CAGE1: variants seen among roughly 807,000 people sequenced by gnomAD.
The protein encoded by CAGE1 is cancer-associated gene 1 protein.
CAGE1 carries 66 observed loss-of-function variants against 94.9 expected under a neutral mutation model. The observed-to-expected ratio is 0.70, with a 90% CI of 0.57 to 0.85. The LOEUF (loss-of-function observed/expected upper bound fraction) is 0.85. CAGE1 is among the 40% of genes least tolerant of loss of function. The pLI, the probability that CAGE1 is intolerant of heterozygous loss-of-function variation, is 0.00. For missense variants in CAGE1, 865 were observed against 950.4 expected (o/e 0.91, Z 1.18); for synonymous variants, 319 against 321.0 (o/e 0.99, Z 0.07).
intron 1 of CAGE1, among the ~76,000 whole-genome samples, chr6:7,387,663 C>T (rs879526530): frequency 6.6e-6 from 1 of 152,026 alleles, no homozygotes; most frequent in Non-Finnish European, 1.5e-5. Flanking sequence ...CTTGTCTTGG[C>T]ATCCCTCTAC....
intron 11 of CAGE1, among the ~76,000 whole-genome samples, chr6:7,342,809 G>C (rs1292691977): frequency 6.6e-6 from 1 of 152,130 alleles, no homozygotes; most frequent in African/African-American, 2.4e-5. Context: ...GATCCATCTT[G>C]AGTTGATTTT....
rs200558049 is a variant in CAGE1 at position 7,378,694 on chromosome 6, T to A, written c.610A>T (p.Thr204Ser). The A allele has an allele frequency of 5.0e-6, 8 of 1,613,250 alleles. No individual in the cohort carries two copies. The highest frequency in any genetic ancestry group is 1.1e-5 in the South Asian group (1 of 90,776). The stretch of plus-strand genomic sequence containing the variant: ...ATACTTTTAGCCAGTGACTTTTCTG[T>A]AAATTTCAGCATCTCTCCACTGCAG... ...IHCSGEMLKFTEKSLAKSIAK... is the reference protein window; with the variant it reads ...IHCSGEMLKFSEKSLAKSIAK... The change falls in exon 4 of 14, where the codon ACA becomes TCA. Residue 204 changes from threonine to serine, a missense_variant. Coordinates refer to ENST00000502583, the MANE Select transcript of CAGE1 (RefSeq NM_001170692.2).
At position 7,339,396 on chromosome 6, in the gene CAGE1, A is replaced by G. The variant is rs1306550138; in HGVS notation, c.2370-5306T>C. 9 of 1,598,390 alleles carry G rather than the reference A, an allele frequency of 5.6e-6. No homozygotes were observed. The highest frequency in any genetic ancestry group is 3.3e-5 in the Admixed American group (2 of 59,998). On this transcript the variant is annotated intron_variant, in intron 11 of 13. Coordinates refer to ENST00000502583, the MANE Select transcript of CAGE1 (RefSeq NM_001170692.2). The surrounding 1 kb of genome is among the most constrained non-coding windows in gnomAD (Gnocchi z 4.7). Reference sequence around the variant, plus strand: ...AATCCGCCGGCCCTTCTCACCAAGAACATTCTGTGTTCTGGTGGCTAAGAC... The same window carrying G: ...AATCCGCCGGCCCTTCTCACCAAGAGCATTCTGTGTTCTGGTGGCTAAGAC...
intron 4 of CAGE1, among the ~76,000 whole-genome samples, chr6:7,374,538 C>CTT (rs780485437): frequency 1.3e-5 from 2 of 149,466 alleles, no homozygotes; most frequent in Non-Finnish European, 3.0e-5. Context: ...AGTTCTCTCT[C>CTT]TTTTTTTTTT....
chr6:7,368,334 T>C (rs1180065415), intron 7 of CAGE1, among the ~76,000 whole-genome samples: 1 of 151,764 alleles, frequency 6.6e-6, no homozygotes, highest in African/African-American at 2.4e-5. Flanking sequence ...TTCAGCCACC[T>C]GAGAAATAAA....
chr6:7,385,935 T>C (rs948377403), intron 2 of CAGE1, 63 bp from the exon 3 acceptor site: 22 of 839,652 alleles, frequency 2.6e-5, no homozygotes, highest in Non-Finnish European at 4.0e-5. Context: ...CTAAAGGTAT[T>C]TGCACATTGT....
At position 7,378,963 on chromosome 6, in the gene CAGE1, C is replaced by CTGATGGTGTCAACTGGCTGAATTAGTGA; in HGVS notation, c.340_341insTCACTAATTCAGCCAGTTGACACCATCA (p.Ser114IlefsTer7). 6.4e-7 allele frequency: 1 copy of CTGATGGTGTCAACTGGCTGAATTAGTGA among 1,572,614 alleles called. No homozygotes were observed. The highest frequency in any genetic ancestry group is 8.6e-7 in the Non-Finnish European group (1 of 1,157,434). ...TTCAAATTGTCTCAAGGAAGATATG[C>CTGATGGTGTCAACTGGCTGAATTAGTGA]TGATGGTGTCAACTGGCTGAATTAG... On this transcript the variant is annotated stop_gained and frameshift_variant, in exon 4 of 14. Transcript: ENST00000502583. LOFTEE classifies it high-confidence loss of function.
intron 11 of CAGE1, among the ~76,000 whole-genome samples, chr6:7,346,139 C>T (rs1055951550): frequency 3.9e-5 from 6 of 152,098 alleles, no homozygotes; most frequent in Admixed American, 6.6e-5. Flanking sequence ...ATGGCTACTC[C>T]GTAGGCAAAA....
intron 9 of CAGE1, among the ~76,000 whole-genome samples, chr6:7,357,885 C>T (rs990487631): frequency 6.6e-6 from 1 of 151,296 alleles, no homozygotes; most frequent in African/African-American, 2.4e-5. Flanking sequence ...CCTCTGCCTC[C>T]AGGGTTCAAG....
At chr6:7,338,363 T>C (rs1462543385) in intron 11 of CAGE1, among the ~76,000 whole-genome samples, 4 of 152,228 alleles carry the variant, frequency 2.6e-5, no homozygotes, top group East Asian at 1.9e-4. Context: ...TCATTAAGTA[T>C]AATGTTAGTA....
chr6:7,378,970 T>C lies in CAGE1; in HGVS notation c.334A>G (p.Thr112Ala). The change falls in exon 4 of 14, where the codon ACC (threonine) becomes GCC (alanine). Residue 112 changes from threonine (T) to alanine (A), a missense_variant. By Grantham distance (58) the Thr-to-Ala change is moderately conservative. Transcript: ENST00000502583. ...TGTCTCAAGGAAGATATGCTGATGG[T>C]GTCAACTGGCTGAATTAGTGCATTC... Reference protein sequence around the residue: ...STNALIQPVDTISISSLRQFE... With the variant: ...STNALIQPVDAISISSLRQFE... The C allele has an allele frequency of 1.3e-6, 2 of 1,567,302 alleles. No homozygotes were observed.
intron 13 of CAGE1, among the ~76,000 whole-genome samples, chr6:7,329,443 T>A (rs1758665980): frequency 6.6e-6 from 1 of 152,132 alleles, no homozygotes; most frequent in Admixed American, 6.5e-5. Flanking sequence ...ATCCAGAATG[T>A]GATTGGGAAC....
rs140239161 is a variant in CAGE1 at position 7,378,523 on chromosome 6, G to C, written c.687+94C>G. On this transcript the variant is annotated intron_variant, in intron 4 of 13. Transcript: ENST00000502583. ...ACAGGCTTTACTGACCATCACAATCGTACCTCCTCTGCTTTATAATTAACT... is the reference window on the plus strand; with the variant it reads ...ACAGGCTTTACTGACCATCACAATCCTACCTCCTCTGCTTTATAATTAACT... 5.5e-6 allele frequency: 6 copies of C among 1,095,762 alleles called. No homozygotes were observed. In the African/African-American group the frequency reaches 7.9e-5, roughly 14 times the overall value. The allele number at this position is 1,095,762 out of a possible 1,614,324, so 67.9% of individuals were successfully genotyped here.
chr6:7,358,480 A>G lies in CAGE1; in HGVS notation c.2194-2351T>C, dbSNP rs576454677. Among the ~76,000 whole-genome samples, 4 of 152,256 alleles carry G rather than the reference A, an allele frequency of 2.6e-5. No individual in the cohort carries two copies. In the South Asian group the frequency reaches 8.3e-4, roughly 32 times the overall value. On this transcript the variant is annotated intron_variant, in intron 9 of 13. Coordinates refer to ENST00000502583, the MANE Select transcript of CAGE1 (RefSeq NM_001170692.2). ...TGCTTTCTGATTTGGGCTATTTATT[A>G]TAAATAAAGCTACAAAGACCTCATA... is the stretch of plus-strand genomic sequence containing the variant.
chr6:7,388,569 A>G (rs749087438), intron 1 of CAGE1, among the ~76,000 whole-genome samples: 2 of 152,232 alleles, frequency 1.3e-5, no homozygotes, highest in Non-Finnish European at 1.5e-5. Context: ...TGCTGTCTAC[A>G]CAGCAAATAT....
chr6:7,388,059 T>G (rs1048553648), intron 1 of CAGE1, among the ~76,000 whole-genome samples: 1 of 150,710 alleles, frequency 6.6e-6, no homozygotes, highest in African/African-American at 2.4e-5. Flanking sequence ...AAAAAAAGTC[T>G]TTCAGTAACC....
At chr6:7,348,860 C>T (rs1759661783) in intron 11 of CAGE1, among the ~76,000 whole-genome samples, 2 of 151,714 alleles carry the variant, frequency 1.3e-5, no homozygotes, top group South Asian at 4.2e-4. Context: ...CCAACAAAGA[C>T]AAAGAAAAAA....
intron 5 of CAGE1, among the ~76,000 whole-genome samples, chr6:7,370,502 G>A (rs767436057): frequency 1.6e-4 from 24 of 152,090 alleles, no homozygotes; most frequent in Non-Finnish European, 3.2e-4. Context: ...TCACCATGTT[G>A]CCCAGGCTGG....
At chr6:7,330,815 G>A (rs1276765906) in intron 12 of CAGE1, among the ~76,000 whole-genome samples, 2 of 152,186 alleles carry the variant, frequency 1.3e-5, no homozygotes, top group Non-Finnish European at 2.9e-5. Context: ...CTGGCTTCTA[G>A]GCCAGTCTAA....
Sources: gnomAD v4.1 joint callset for allele counts (sites outside exome capture counted in the v4.1 genomes callset) on GRCh38, gnomAD v4.1.1 for gene constraint, Gnocchi (gnomAD v3.1) non-coding constraint, MANE v1.5 for transcripts, NCBI Gene and HGNC (gene_info 2026-07-23, HGNC 2026-07-21) for gene names.